Variants in GSTCD observed in about 807,000 individuals in gnomAD.
GSTCD encodes glutathione S-transferase C-terminal domain containing.
A neutral mutation model predicts 68.3 loss-of-function variants in GSTCD; 44 were observed. That is an observed-to-expected ratio of 0.64 (90% confidence interval 0.51 to 0.83). The LOEUF is 0.83. Ranked by LOEUF, GSTCD falls within the 40% of genes least tolerant of loss-of-function variation. The pLI, the probability that GSTCD is intolerant of heterozygous loss-of-function variation, is 0.00. For synonymous variants in GSTCD, 273 were observed against 255.2 expected (o/e 1.07, Z -0.67); for missense variants, 739 against 735.9 (o/e 1.00, Z -0.05).
intron 5 of GSTCD, among the ~76,000 whole-genome samples, chr4:105,788,773 T>C (rs1204364653): frequency 6.6e-6 from 1 of 152,040 alleles, no homozygotes; most frequent in Non-Finnish European, 1.5e-5. Context: ...TAGTATAAAT[T>C]AAGATATTTT....
intron 5 of GSTCD, among the ~76,000 whole-genome samples, chr4:105,775,505 G>A (rs1211496114): frequency 6.6e-6 from 1 of 152,178 alleles, no homozygotes; most frequent in Non-Finnish European, 1.5e-5. Context: ...TGGTCTTCAT[G>A]TTGGTGATCT....
At chr4:105,777,104 G>C (rs1735098498) in intron 5 of GSTCD, among the ~76,000 whole-genome samples, 1 of 152,164 alleles carries the variant, frequency 6.6e-6, no homozygotes, top group Non-Finnish European at 1.5e-5. Flanking sequence ...GGAGTTTTGT[G>C]AGTTACCATT....
At chr4:105,794,867 C>T (rs982151047) in intron 5 of GSTCD, among the ~76,000 whole-genome samples, 2 of 142,554 alleles carry the variant, frequency 1.4e-5, no homozygotes, top group Non-Finnish European at 3.0e-5. Context: ...ATCTATCTAT[C>T]TATCTATCTA....
chr4:105,833,294 A>G (rs1321824279), intron 8 of GSTCD, among the ~76,000 whole-genome samples: 1 of 152,074 alleles, frequency 6.6e-6, no homozygotes, highest in African/African-American at 2.4e-5. Flanking sequence ...GTGAAACCCC[A>G]TCTCTACTAA....
At chr4:105,755,082 A>T (rs1734137922) in intron 5 of GSTCD, among the ~76,000 whole-genome samples, 1 of 145,138 alleles carries the variant, frequency 6.9e-6, no homozygotes, top group Non-Finnish European at 1.5e-5. Context: ...AAAAAAAAAA[A>T]AAAAAAAAAA....
At chr4:105,845,117 G>C (rs527759618) in intron 11 of GSTCD, among the ~76,000 whole-genome samples, 4 of 152,294 alleles carry the variant, frequency 2.6e-5, no homozygotes, top group African/African-American at 9.6e-5. Context: ...GGAAAGCAGA[G>C]AAAAGGTCTT....
intron 5 of GSTCD, among the ~76,000 whole-genome samples, chr4:105,773,986 G>C (rs1734955615): frequency 1.3e-5 from 2 of 152,208 alleles, no homozygotes; most frequent in Admixed American, 6.5e-5. Flanking sequence ...TTGTGTGGGA[G>C]TCTCAGTCTC....
chr4:105,773,373 A>T (rs189268507), intron 5 of GSTCD, among the ~76,000 whole-genome samples: 1 of 151,304 alleles, frequency 6.6e-6, no homozygotes, highest in East Asian at 2.0e-4. Flanking sequence ...TTCTGCTTTG[A>T]TCTTAGTTAT....
chr4:105,769,231 GCGCACACACA>G (rs1441463174), intron 5 of GSTCD, among the ~76,000 whole-genome samples: 14 of 60,116 alleles, frequency 2.3e-4, no homozygotes, highest in African/African-American at 9.9e-4. Flanking sequence ...CTATACACGC[GCGCACACACA>G]CACACACACA....
chr4:105,775,648 A>G (rs1735028004), intron 5 of GSTCD, among the ~76,000 whole-genome samples: 1 of 152,144 alleles, frequency 6.6e-6, no homozygotes, highest in Non-Finnish European at 1.5e-5. Context: ...TCTGCTCCAC[A>G]CCCTGTTTGC....
At chr4:105,833,764 A>C (rs1233067133) in intron 8 of GSTCD, among the ~76,000 whole-genome samples, 1 of 134,366 alleles carries the variant, frequency 7.4e-6, no homozygotes, top group East Asian at 1.9e-4. Context: ...GATATACTTA[A>C]GGATATGTGT....
intron 5 of GSTCD, among the ~76,000 whole-genome samples, chr4:105,755,240 T>C (rs1030817951): frequency 2.0e-5 from 3 of 150,892 alleles, no homozygotes; most frequent in African/African-American, 7.3e-5. Context: ...TGAGACCCTG[T>C]CAAGGTAGGA....
At chr4:105,841,219 G>A (rs1724324517) in intron 10 of GSTCD, among the ~76,000 whole-genome samples, 1 of 151,798 alleles carries the variant, frequency 6.6e-6, no homozygotes, top group South Asian at 2.1e-4. Flanking sequence ...AGCTACTCAG[G>A]AGGCTAGGGC....
intron 5 of GSTCD, among the ~76,000 whole-genome samples, chr4:105,819,111 C>A (rs537877210): frequency 6.6e-6 from 1 of 151,858 alleles, no homozygotes; most frequent in East Asian, 1.9e-4. Context: ...CGGTAAGACA[C>A]AGAGAGGCAA....
intron 8 of GSTCD, among the ~76,000 whole-genome samples, chr4:105,828,499 T>G (rs1175587968): frequency 3.9e-5 from 6 of 152,136 alleles, no homozygotes; most frequent in Admixed American, 1.3e-4. Flanking sequence ...TAGAGGTATT[T>G]CAACCCCGCT....
At chr4:105,797,045 CATGTGTGTGTGTGTGT>C (rs1408861311) in intron 5 of GSTCD, among the ~76,000 whole-genome samples, 1 of 140,324 alleles carries the variant, frequency 7.1e-6, no homozygotes, top group African/African-American at 2.6e-5. Flanking sequence ...GACAGAGATA[CATGTGTGTGTGTGTGT>C]GTGTGTGTGT....
chr4:105,726,447 A>G, intron 3 of GSTCD, 132 bp from the exon 4 acceptor site: 1 of 612,432 alleles, frequency 1.6e-6, no homozygotes, highest in South Asian at 2.5e-5. Flanking sequence ...TGATAACTGG[A>G]TACATTTACT....
chr4:105,748,719 T>G (rs1733897622), intron 5 of GSTCD, among the ~76,000 whole-genome samples: 1 of 151,980 alleles, frequency 6.6e-6, no homozygotes. Context: ...GAAATAGATA[T>G]ATATTACATA....
At chr4:105,788,819 T>G (rs1578475756) in intron 5 of GSTCD, among the ~76,000 whole-genome samples, 1 of 152,078 alleles carries the variant, frequency 6.6e-6, no homozygotes, top group East Asian at 1.9e-4. Context: ...TAAATAAATT[T>G]CTTATATTAT....
Sources: allele counts gnomAD v4.1 joint callset (sites outside exome capture counted in the v4.1 genomes callset), GRCh38; gene constraint gnomAD v4.1.1; transcripts MANE v1.5; gene names NCBI Gene and HGNC (gene_info 2026-07-23, HGNC 2026-07-21).